Variants in NR3C1 observed in about 807,000 individuals in gnomAD.
The protein encoded by NR3C1 is nuclear receptor subfamily 3 group C member 1, also known as glucocorticoid receptor.
Under a neutral mutation model 74.0 loss-of-function variants are expected in NR3C1, and 14 were observed. The observed-to-expected ratio is 0.19, with a 90% CI of 0.12 to 0.30. NR3C1 has a LOEUF of 0.30. Ranked by LOEUF, NR3C1 falls within the 10% of genes least tolerant of loss-of-function variation. The pLI, the probability that NR3C1 is intolerant of heterozygous loss-of-function variation, is 1.00. For synonymous variants in NR3C1, 308 were observed against 332.5 expected, an observed-to-expected ratio of 0.93 and a Z score of 0.80; for missense variants, 695 against 909.8, an observed-to-expected ratio of 0.76 and a Z score of 3.04.
intron 3 of NR3C1, among the ~76,000 whole-genome samples, chr5:143,310,888 C>T (rs1306760415): frequency 1.3e-5 from 2 of 152,078 alleles, no homozygotes; most frequent in Admixed American, 6.5e-5. Flanking sequence ...GATCTCAGGA[C>T]CTCGTGATCC....
chr5:143,430,294 G>A (rs929211560), intron 1 of NR3C1, among the ~76,000 whole-genome samples: 1 of 152,074 alleles, frequency 6.6e-6, no homozygotes, highest in African/African-American at 2.4e-5. Flanking sequence ...CTCTATTAAT[G>A]TGTACTGAAT....
chr5:143,341,671 T>C (rs1828254274), intron 2 of NR3C1, among the ~76,000 whole-genome samples: 1 of 152,226 alleles, frequency 6.6e-6, no homozygotes, highest in Non-Finnish European at 1.5e-5. Flanking sequence ...GAAAGTGAAA[T>C]GATGTTATTT....
In NR3C1 at chr5:143,278,268, G is replaced by A. The variant is rs1812628997; in HGVS notation, c.*3621C>T. The A allele has an allele frequency of 6.6e-6, 1 of 151,912 alleles. No individual in the cohort carries two copies. The highest frequency in any genetic ancestry group is 6.6e-5 in the Admixed American group (1 of 15,254). 9.4% of individuals were successfully genotyped at this position (151,912 alleles called of 1,614,324 possible). Reference sequence around the variant, plus strand: ...AATAATGAAAAAGCTTCTTAATAATGCCATACACAGTATAATATAGATTTG... The same window carrying A: ...AATAATGAAAAAGCTTCTTAATAATACCATACACAGTATAATATAGATTTG... On this transcript the variant is annotated 3_prime_UTR_variant, in exon 9 of 9. Coordinates refer to ENST00000394464, the MANE Select transcript of NR3C1 (RefSeq NM_000176.3).
chr5:143,380,696 T>C (rs1189874935), intron 2 of NR3C1, among the ~76,000 whole-genome samples: 1 of 152,112 alleles, frequency 6.6e-6, no homozygotes, highest in South Asian at 2.1e-4. Context: ...ATAGGAAGCA[T>C]ATGCATCACA....
At chr5:143,368,374 A>G (rs1303808308) in intron 2 of NR3C1, among the ~76,000 whole-genome samples, 1 of 152,218 alleles carries the variant, frequency 6.6e-6, no homozygotes, top group African/African-American at 2.4e-5. Flanking sequence ...TAAAAAATAA[A>G]TTGGACTTCA....
chr5:143,364,916 A>C (rs1225554217), intron 2 of NR3C1, among the ~76,000 whole-genome samples: 1 of 152,170 alleles, frequency 6.6e-6, no homozygotes, highest in Non-Finnish European at 1.5e-5. Flanking sequence ...TAAGTTGCCC[A>C]GGCTGGTCTT....
At chr5:143,317,730 A>T (rs33388) in intron 2 of NR3C1, among the ~76,000 whole-genome samples, 80,864 of 151,984 alleles carry the variant, frequency 0.53, 22,088 homozygotes, top group East Asian at 0.76. Flanking sequence ...TTATGAGTTA[A>T]TCACACACCT....
intron 1 of NR3C1, chr5:143,401,131 TC>T: frequency 2.2e-6 from 1 of 452,778 alleles, no homozygotes; most frequent in Admixed American, 3.4e-5. Flanking sequence ...ATCCTGCCGC[TC>T]ACTGAACGTG....
intron 6 of NR3C1, 63 bp downstream of exon 6, chr5:143,298,605 G>C (rs1817811494): frequency 6.4e-7 from 1 of 1,550,424 alleles, no homozygotes; most frequent in African/African-American, 1.4e-5. Flanking sequence ...AGTCAATCAG[G>C]AAAACATCAG....
chr5:143,404,536 C>G (rs1460588225), upstream of NR3C1: 24 of 979,526 alleles, frequency 2.5e-5, no homozygotes, highest in South Asian at 2.4e-4. Context: ...CCCTCTTCCC[C>G]GAGTCTGCGA....
At chr5:143,409,985 A>G (rs1258832683) in intron 1 of NR3C1, among the ~76,000 whole-genome samples, 1 of 152,242 alleles carries the variant, frequency 6.6e-6, no homozygotes, top group African/African-American at 2.4e-5. Flanking sequence ...AACTTAGTTT[A>G]AGCAATACCT....
intron 7 of NR3C1, chr5:143,294,889 A>G (rs1816827962): frequency 1.0e-6 from 1 of 976,830 alleles, no homozygotes. Context: ...CACCTACTGA[A>G]GGACATCTTT....
chr5:143,392,051 C>T (rs1838331910), intron 2 of NR3C1, among the ~76,000 whole-genome samples: 1 of 151,962 alleles, frequency 6.6e-6, no homozygotes, highest in African/African-American at 2.4e-5. Flanking sequence ...CTGCAAGCTC[C>T]GCCTCCCAGG....
At chr5:143,386,896 C>G (rs1009785539) in intron 2 of NR3C1, among the ~76,000 whole-genome samples, 17 of 152,222 alleles carry the variant, frequency 1.1e-4, no homozygotes, top group Non-Finnish European at 2.9e-5. Flanking sequence ...CACCATCTAT[C>G]ATCGTGCATA....
At chr5:143,343,972 TAAC>T (rs1828729459) in intron 2 of NR3C1, among the ~76,000 whole-genome samples, 1 of 152,234 alleles carries the variant, frequency 6.6e-6, no homozygotes, top group African/African-American at 2.4e-5. Context: ...ATATTAGTAT[TAAC>T]AAAAGATATT....
intron 2 of NR3C1, among the ~76,000 whole-genome samples, chr5:143,328,274 G>A (rs756345128): frequency 4.6e-5 from 7 of 152,196 alleles, no homozygotes; most frequent in African/African-American, 9.7e-5. Context: ...GCACCATGTC[G>A]TGAGGCTGTA....
intron 3 of NR3C1, among the ~76,000 whole-genome samples, chr5:143,312,176 G>A (rs570177727): frequency 6.0e-4 from 91 of 152,158 alleles, no homozygotes; most frequent in African/African-American, 2.0e-3. Flanking sequence ...TGGTGGGTGT[G>A]GTAGCCAGCC....
At chr5:143,405,320 A>T, upstream of NR3C1, 1 of 985,612 alleles carries the variant, frequency 1.0e-6, no homozygotes, top group Non-Finnish European at 1.2e-6. Context: ...GCTCGGCCAC[A>T]GCCACTCTCT....
At chr5:143,362,524 C>T (rs1292866733) in intron 2 of NR3C1, among the ~76,000 whole-genome samples, 1 of 151,960 alleles carries the variant, frequency 6.6e-6, no homozygotes, top group Admixed American at 6.6e-5. Context: ...CCACAGCCAC[C>T]TATTTTTTCG....
Sources: allele counts gnomAD v4.1 joint callset (sites outside exome capture counted in the v4.1 genomes callset), GRCh38; gene constraint gnomAD v4.1.1; transcripts MANE v1.5; gene names NCBI Gene and HGNC (gene_info 2026-07-23, HGNC 2026-07-21).